Variants in GAMT observed in about 807,000 individuals in gnomAD.
The protein encoded by GAMT is guanidinoacetate N-methyltransferase.
GAMT carries 26 observed loss-of-function variants against 26.9 expected under a neutral mutation model. The ratio of observed to expected loss-of-function variants is 0.97; its 90% CI spans 0.71 to 1.34. The LOEUF is 1.34. Ranked by LOEUF, GAMT falls within the 40% of genes most tolerant of loss-of-function variation. GAMT has a pLI of 0.00. For synonymous variants in GAMT, 169 were observed against 149.6 expected (o/e 1.13, Z -0.95); for missense variants, 412 against 345.0 (o/e 1.19, Z -1.54).
In GAMT at chr19:1,399,172, G is replaced by A. The variant is rs1300612017; in HGVS notation, c.415C>T (p.Leu139Phe). 17 of 1,613,590 alleles carry A rather than the reference G, an allele frequency of 1.1e-5. No homozygotes were observed. The Admixed American group carries it at 2.0e-4, about 19-fold the overall frequency. Residue 139 changes from leucine to phenylalanine, a missense_variant, in exon 4 of 6, where the codon CTC (leucine) becomes TTC (phenylalanine). Transcript: ENST00000252288. The surrounding 1 kb of genome is among the most constrained non-coding windows in gnomAD (Gnocchi z 6.2). ...TGTGTGTGCCAGGTCTCCTCCGAGAGTGGGTACGTGTCGTACAGGATCCCT... is the reference window on the plus strand; with the variant it reads ...TGTGTGTGCCAGGTCTCCTCCGAGAATGGGTACGTGTCGTACAGGATCCCT... ...FDGILYDTYP[L>F]SEETWHTHQF...
chr19:1,401,470 C>G lies in GAMT; in HGVS notation c.7G>C (p.Ala3Pro). MS[A>P]PSATPIFAPG... The stretch of plus-strand genomic sequence containing the variant: ...GCGAAGATGGGGGTCGCGCTGGGGG[C>G]GCTCATGCTGCAGGCTGGACGGCGA... Residue 3 changes from alanine to proline, a missense_variant, in exon 1 of 6, where the codon GCC becomes CCC. By Grantham distance (27) the Ala-to-Pro change is conservative (BLOSUM62 -1). Transcript: ENST00000252288. 7.3e-7 allele frequency: 1 copy of G among 1,361,768 alleles called. No individual in the cohort carries two copies. Among genetic ancestry groups the G allele is most frequent in the African/African-American group, 1.5e-5 (1 of 66,186 alleles). 84.4% of individuals were successfully genotyped at this position (1,361,768 alleles called of 1,614,324 possible).
intron 5 of GAMT, 181 bp from the exon 6 acceptor site, chr19:1,397,680 C>A (rs2082608661): frequency 7.2e-7 from 1 of 1,379,366 alleles, no homozygotes; most frequent in Non-Finnish European, 9.6e-7. Context: ...TCCAGCTCCC[C>A]AGTGCGGGCA....
rs762510333 is a variant in GAMT, at chr19:1,399,606, AAAAG to A, written c.328-23_328-20del. 1.9e-6 allele frequency: 3 copies of A among 1,609,462 alleles called. No homozygotes were observed. Among genetic ancestry groups the A allele is most frequent in the East Asian group, 2.2e-5 (1 of 44,830 alleles). On this transcript the variant is annotated intron_variant, in intron 2 of 5. Coordinates refer to ENST00000252288, the MANE Select transcript of GAMT (RefSeq NM_000156.6). The surrounding 1 kb of genome is among the most constrained non-coding windows in gnomAD (Gnocchi z 6.2). Reference sequence around the variant, plus strand: ...GGATGACCTTGCAGAGGGGAAAAGAAAAAGAGAGGACAGGGTAGAGAGGTCCCCA... The same window carrying A: ...GGATGACCTTGCAGAGGGGAAAAGAAAGAGGACAGGGTAGAGAGGTCCCCA...
rs796052524 is a variant in GAMT at position 1,399,829 on chromosome 19, C to T, written c.291G>A (p.Gln97=). The change falls in exon 2 of 6, where the codon CAG becomes CAA. Residue 97 remains glutamine, a synonymous_variant. Transcript: ENST00000252288. The surrounding 1 kb of genome is among the most constrained non-coding windows in gnomAD (Gnocchi z 6.2). ...GCCGTGGGGCCCAGTCCCGGAGCCG[C>T]TGGAAGACGCCGTCATTGCACTCGA... ...WIIECNDGVF[Q]RLRDWAPRQT... is the part of the protein sequence containing the mutation. 26 of 1,586,326 alleles carry T rather than the reference C, an allele frequency of 1.6e-5. No homozygotes were observed. Among genetic ancestry groups the T allele is most frequent in the Non-Finnish European group, 2.1e-5 (25 of 1,166,966 alleles).
In GAMT at chr19:1,397,343, G is replaced by A. The variant is rs1208624450; in HGVS notation, c.*16C>T. 6.2e-6 allele frequency: 10 copies of A among 1,604,592 alleles called. No homozygotes were observed. The highest frequency in any genetic ancestry group is 1.7e-5 in the Admixed American group (1 of 59,062). On this transcript the variant is annotated 3_prime_UTR_variant, in exon 6 of 6. Coordinates refer to ENST00000252288, the MANE Select transcript of GAMT (RefSeq NM_000156.6). Reference sequence around the variant, plus strand: ...CACGGAGGAGGGCATGGGTGTGGCCGGGCCGGGGTGGGGGCTCAGCCTTTG... The same window carrying A: ...CACGGAGGAGGGCATGGGTGTGGCCAGGCCGGGGTGGGGGCTCAGCCTTTG...
chr19:1,398,664 G>C (rs1439289552), intron 5 of GAMT: 2 of 1,314,608 alleles, frequency 1.5e-6, no homozygotes, highest in Non-Finnish European at 1.1e-6. Flanking sequence ...GGCTGGTCTT[G>C]AACTCCTAGG....
rs2082605082 is a variant in GAMT, at chr19:1,397,264, C to A, written c.*95G>T. ...AGCCGGGAAAGCTTCTGGTGACACA[C>A]AGCTGGGATCAGCCCAGGGCTGGTG... On this transcript the variant is annotated 3_prime_UTR_variant, in exon 6 of 6. Coordinates refer to ENST00000252288, the MANE Select transcript of GAMT (RefSeq NM_000156.6). The A allele has an allele frequency of 7.0e-7, 1 of 1,432,928 alleles. No individual in the cohort carries two copies. The highest frequency in any genetic ancestry group is 9.5e-7 in the Non-Finnish European group (1 of 1,055,722). The allele number at this position is 1,432,928 out of a possible 1,614,324, so 88.8% of individuals were successfully genotyped here.
At chr19:1,398,562 A>G (rs1386456536) in intron 5 of GAMT, 2 of 633,294 alleles carry the variant, frequency 3.2e-6, no homozygotes, top group Non-Finnish European at 5.4e-6. Context: ...CAGCCTCCCA[A>G]GTAGCTGGGA....
chr19:1,397,472 C>A lies in GAMT; in HGVS notation c.598G>T (p.Ala200Ser). 1 of 1,607,424 alleles carries A rather than the reference C, an allele frequency of 6.2e-7. No homozygotes were observed. Residue 200 changes from alanine (A) to serine (S), a missense_variant, in exon 6 of 6, where the codon GCC becomes TCC. Ala to Ser is a moderately conservative substitution (Grantham distance 99). Transcript: ENST00000252288. ...CGGATGTTCTCCCTCCGGAAGCCGG[C>A]CTCCAGCAGCGCGGGCACCTGCGTC... The part of the protein sequence containing the change: ...EETQVPALLE[A>S]GFRRENIRTE...
Position 1,397,454 on chromosome 19 carries a change from T to C in GAMT, c.616A>G (p.Asn206Asp). ...ALLEAGFRRE[N>D]IRTEVMALVP... ...AGCGCCATCACCTCCGTACGGATGT[T>C]CTCCCTCCGGAAGCCGGCCTCCAGC... The change falls in exon 6 of 6, where the codon AAC becomes GAC. Residue 206 changes from asparagine to aspartate, a missense_variant. By Grantham distance (23) the Asn-to-Asp change is conservative (BLOSUM62 1). Transcript: ENST00000252288. The C allele has an allele frequency of 1.9e-6, 3 of 1,609,672 alleles. No homozygotes were observed. In the South Asian group the frequency reaches 3.3e-5, roughly 18 times the overall value.
chr19:1,399,456 A>C lies in GAMT; in HGVS notation c.391+68T>G. 1 of 1,435,242 alleles carries C rather than the reference A, an allele frequency of 7.0e-7. No individual in the cohort carries two copies. Among genetic ancestry groups the C allele is most frequent in the Non-Finnish European group, 9.6e-7 (1 of 1,037,784 alleles). The allele number at this position is 1,435,242 out of a possible 1,614,324, so 88.9% of individuals were successfully genotyped here. A position where few individuals can be genotyped will look rare whatever the true frequency, so the allele number is the denominator to read the frequency against. ...CCCAGTGCACATCAGAGGGACCCCC[A>C]CAAGCAAAGGAGGGGCTGCATTGGA... On this transcript the variant is annotated intron_variant, in intron 3 of 5. Coordinates refer to ENST00000252288, the MANE Select transcript of GAMT (RefSeq NM_000156.6). The surrounding 1 kb of genome is among the most constrained non-coding windows in gnomAD (Gnocchi z 6.2).
In GAMT at chr19:1,399,966, A is replaced by G. The variant is rs989509845; in HGVS notation, c.182-28T>C. On this transcript the variant is annotated intron_variant, in intron 1 of 5. Coordinates refer to ENST00000252288, the MANE Select transcript of GAMT (RefSeq NM_000156.6). This position sits in a 1 kb window ranked among gnomAD's most constrained non-coding sequence, Gnocchi z 6.2. ...GGGCAGACACAGGGCGCCTGGCATC[A>G]CTAGGTGGGGCGGGCTTAGGAGGCT... The G allele has an allele frequency of 3.8e-6, 6 of 1,590,134 alleles. No homozygotes were observed. Among genetic ancestry groups the G allele is most frequent in the African/African-American group, 1.3e-5 (1 of 74,580 alleles).
intron 5 of GAMT, chr19:1,398,601 A>T: frequency 5.3e-6 from 4 of 747,980 alleles, no homozygotes; most frequent in Non-Finnish European, 8.4e-6. Flanking sequence ...ACGCCCAGCT[A>T]GTTTTTTGTA....
Position 1,397,118 on chromosome 19 carries a change from GCGTTTACTTCACCT to G in GAMT, c.*227_*240del. On this transcript the variant is annotated 3_prime_UTR_variant, in exon 6 of 6. Coordinates refer to ENST00000252288, the MANE Select transcript of GAMT (RefSeq NM_000156.6). ...TGCCGACTGGCCAAGCCCAGCGCCG[GCGTTTACTTCACCT>G]CAGGGACCCTGCAGTGGGCAGCAGT... 1.8e-6 allele frequency: 1 copy of G among 544,822 alleles called. No homozygotes were observed. Among genetic ancestry groups the G allele is most frequent in the Non-Finnish European group, 3.3e-6 (1 of 305,742 alleles). 33.7% of individuals were successfully genotyped at this position (544,822 alleles called of 1,614,324 possible).
Position 1,399,506 on chromosome 19 carries a change from C to T in GAMT, c.391+18G>A, listed in dbSNP as rs765964500. The T allele has an allele frequency of 1.2e-5, 19 of 1,607,842 alleles. No individual in the cohort carries two copies. The East Asian group carries it at 1.6e-4, about 13-fold the overall frequency. On this transcript the variant is annotated intron_variant, in intron 3 of 5. Coordinates refer to ENST00000252288, the MANE Select transcript of GAMT (RefSeq NM_000156.6). This position sits in a 1 kb window ranked among gnomAD's most constrained non-coding sequence, Gnocchi z 6.2. ...AGCTGGGGAGGCCCACCCTGTGATACGTCCCCTCACCCCTCACCATCAAAG... is the reference window on the plus strand; with the variant it reads ...AGCTGGGGAGGCCCACCCTGTGATATGTCCCCTCACCCCTCACCATCAAAG...
In GAMT at chr19:1,397,308, G is replaced by T; in HGVS notation, c.*51C>A. ...GCTGGTGCGACACCCTGGACTCCCG[G>T]CCAGGAAGGCACGGAGGAGGGCATG... On this transcript the variant is annotated 3_prime_UTR_variant, in exon 6 of 6. Coordinates refer to ENST00000252288, the MANE Select transcript of GAMT (RefSeq NM_000156.6). 6.4e-7 allele frequency: 1 copy of T among 1,569,642 alleles called. No individual in the cohort carries two copies. The highest frequency in any genetic ancestry group is 1.8e-5 in the Admixed American group (1 of 54,086).
chr19:1,397,962 G>T, intron 5 of GAMT: 1 of 1,059,078 alleles, frequency 9.4e-7, no homozygotes, highest in Non-Finnish European at 1.1e-6. Context: ...AGCGAGACAA[G>T]CACTGCTGAA....
rs141471799 is a variant in GAMT at position 1,397,400 on chromosome 19, C to G, written c.670G>C (p.Ala224Pro). ...AGGGGCGTGATCATCTGTGGGAAGGCGTAGTAGCGGCAGTCGGCCGGTGGG... is the reference window on the plus strand; with the variant it reads ...AGGGGCGTGATCATCTGTGGGAAGGGGTAGTAGCGGCAGTCGGCCGGTGGG... ...LVPPADCRYY[A>P]FPQMITPLVT... Residue 224 changes from alanine to proline, a missense_variant, in exon 6 of 6, where the codon GCC (alanine) becomes CCC (proline). Transcript: ENST00000252288. 2 of 1,612,350 alleles carry G rather than the reference C, an allele frequency of 1.2e-6. No individual in the cohort carries two copies. Among genetic ancestry groups the G allele is most frequent in the African/African-American group, 2.7e-5 (2 of 74,908 alleles).
chr19:1,398,699 C>T, intron 5 of GAMT: 1 of 1,521,994 alleles, frequency 6.6e-7, no homozygotes, highest in Middle Eastern at 1.7e-4. Context: ...CCACCTCGGC[C>T]TTCCACAGTG....
Sources: gnomAD v4.1 joint callset for allele counts on GRCh38, gnomAD v4.1.1 for gene constraint, Gnocchi (gnomAD v3.1) non-coding constraint, MANE v1.5 for transcripts, NCBI Gene and HGNC (gene_info 2026-07-23, HGNC 2026-07-21) for gene names.